TM4SF19: variants seen among roughly 807,000 people sequenced by gnomAD.
The protein encoded by TM4SF19 is transmembrane 4 L six family member 19.
In TM4SF19, 17 loss-of-function variants were observed where a neutral mutation model predicts 21.8. The ratio of observed to expected loss-of-function variants is 0.78; its 90% CI spans 0.53 to 1.17. The LOEUF (loss-of-function observed/expected upper bound fraction) is 1.17, where lower values mean the gene tolerates loss of function less well. Among genes scored for constraint, TM4SF19 ranks in the 50% most tolerant of loss-of-function variants. The pLI, the probability that TM4SF19 is intolerant of heterozygous loss-of-function variation, is 0.00. For missense variants in TM4SF19, 216 were observed against 252.1 expected (o/e 0.86, Z 0.97); for synonymous variants, 107 against 106.7 (o/e 1.00, Z -0.02).
At chr3:196,328,851 C>T (rs1727405041) in intron 1 of TM4SF19, among the ~76,000 whole-genome samples, 1 of 152,086 alleles carries the variant, frequency 6.6e-6, no homozygotes, top group South Asian at 2.1e-4. Flanking sequence ...TACAAAGCTA[C>T]AGTAATTGAA....
At chr3:196,334,530 T>G in intron 1 of TM4SF19, among the ~76,000 whole-genome samples, 1 of 152,020 alleles carries the variant, frequency 6.6e-6, no homozygotes, top group East Asian at 1.9e-4. Flanking sequence ...CTCAGCTCAC[T>G]GCAACCTCCG....
At chr3:196,334,468 T>G (rs567145528) in intron 1 of TM4SF19, among the ~76,000 whole-genome samples, 1 of 151,814 alleles carries the variant, frequency 6.6e-6, no homozygotes, top group Admixed American at 6.6e-5. Context: ...TTTTTTTTTT[T>G]CTTGAGACAG....
chr3:196,324,073 T>G, intron 4 of TM4SF19, 76 bp from the exon 5 acceptor site: 1 of 1,558,870 alleles, frequency 6.4e-7, no homozygotes, highest in Non-Finnish European at 8.8e-7. Flanking sequence ...AGTAGAAAAC[T>G]GGGGTCTCCC....
intron 4 of TM4SF19, 107 bp from the exon 5 acceptor site, chr3:196,324,104 G>C: frequency 6.9e-7 from 1 of 1,454,472 alleles, no homozygotes; most frequent in Non-Finnish European, 9.5e-7. Flanking sequence ...CATGGGACTG[G>C]GCTCATGAGG....
chr3:196,333,492 CT>C (rs1235894984), intron 1 of TM4SF19, among the ~76,000 whole-genome samples: 1 of 152,170 alleles, frequency 6.6e-6, no homozygotes, highest in Non-Finnish European at 1.5e-5. Context: ...GTTTTTTGAA[CT>C]GCAGTTGACC....
intron 1 of TM4SF19, among the ~76,000 whole-genome samples, chr3:196,331,883 T>C (rs892503325): frequency 7.9e-5 from 12 of 152,250 alleles, no homozygotes; most frequent in Non-Finnish European, 1.0e-4. Context: ...TTCAGACACC[T>C]AAAGTGCTAG....
intron 1 of TM4SF19, 97 bp from the exon 2 acceptor site, chr3:196,327,688 G>A (rs1434620675): frequency 9.6e-7 from 1 of 1,041,760 alleles, no homozygotes. Context: ...ACAGACTACA[G>A]AAACCGCCAC....
intron 1 of TM4SF19, among the ~76,000 whole-genome samples, chr3:196,334,178 C>G (rs1348790419): frequency 4.6e-5 from 7 of 152,142 alleles, no homozygotes; most frequent in Non-Finnish European, 1.0e-4. Flanking sequence ...ACGTCATTAC[C>G]CATCACATCA....
At chr3:196,332,621 A>G (rs949211181) in intron 1 of TM4SF19, among the ~76,000 whole-genome samples, 35 of 151,974 alleles carry the variant, frequency 2.3e-4, no homozygotes, top group Non-Finnish European at 2.9e-5. Context: ...GTACACACAC[A>G]CACACACACA....
chr3:196,328,721 T>C (rs563764808), intron 1 of TM4SF19, among the ~76,000 whole-genome samples: 37 of 152,296 alleles, frequency 2.4e-4, no homozygotes, highest in Admixed American at 1.7e-3. Flanking sequence ...AGTTTTGTTA[T>C]AGAAATTGAC....
intron 3 of TM4SF19, 150 bp downstream of exon 3, chr3:196,326,805 C>G (rs1481794596): frequency 5.4e-6 from 3 of 555,382 alleles, no homozygotes; most frequent in Non-Finnish European, 9.8e-6. Flanking sequence ...AAAGATGAAG[C>G]AACTTGCCCA....
chr3:196,327,301 A>T, intron 2 of TM4SF19, 89 bp downstream of exon 2: 1 of 1,295,756 alleles, frequency 7.7e-7, no homozygotes, highest in Non-Finnish European at 1.1e-6. Flanking sequence ...CTTTTCTGCA[A>T]GGAATCAAAA....
rs1727249760 is a variant in TM4SF19, at chr3:196,325,489, CGTG to C, written c.280-1052_280-1050del. The C allele has an allele frequency of 6.6e-6, 1 of 152,178 alleles. No individual in the cohort carries two copies. The highest frequency in any genetic ancestry group is 1.5e-5 in the Non-Finnish European group (1 of 68,090). The allele number at this position is 152,178 out of a possible 1,614,324, so 9.4% of individuals were successfully genotyped here. A position where few individuals can be genotyped will look rare whatever the true frequency, so the allele number is the denominator to read the frequency against. On this transcript the variant is annotated intron_variant, in intron 3 of 4. Coordinates refer to ENST00000273695, the MANE Select transcript of TM4SF19 (RefSeq NM_138461.4). This position sits in a 1 kb window ranked among gnomAD's most constrained non-coding sequence, Gnocchi z 4.3. ...TGCTGGGATTACAGGCATGAGCCAC[CGTG>C]CCCGGCCCATATTGGATTCTTTCTT...
At chr3:196,331,137 G>A (rs376427877) in intron 1 of TM4SF19, among the ~76,000 whole-genome samples, 7 of 152,048 alleles carry the variant, frequency 4.6e-5, no homozygotes, top group East Asian at 3.9e-4. Flanking sequence ...ATTGCTGGAC[G>A]TGGTGGCAGG....
In TM4SF19 at chr3:196,325,194, C is replaced by T. The variant is rs1727237332; in HGVS notation, c.280-754G>A. ...GTTCCTTCCTTCCTTCCCTTCCTTC[C>T]TTCTTTCTCTCTCTCTCTTTCTTTT... On this transcript the variant is annotated intron_variant, in intron 3 of 4. Coordinates refer to ENST00000273695, the MANE Select transcript of TM4SF19 (RefSeq NM_138461.4). This position sits in a 1 kb window ranked among gnomAD's most constrained non-coding sequence, Gnocchi z 4.3. 1 of 151,802 alleles carries T rather than the reference C, an allele frequency of 6.6e-6. No individual in the cohort carries two copies. The highest frequency in any genetic ancestry group is 2.1e-4 in the South Asian group (1 of 4,812). 9.4% of individuals were successfully genotyped at this position (151,802 alleles called of 1,614,324 possible). A position where few individuals can be genotyped will look rare whatever the true frequency, so the allele number is the denominator to read the frequency against.
intron 1 of TM4SF19, among the ~76,000 whole-genome samples, chr3:196,337,746 T>C (rs933530694): frequency 6.6e-6 from 1 of 152,128 alleles, no homozygotes; most frequent in Non-Finnish European, 1.5e-5. Context: ...TTGGCCCTTT[T>C]CCAAGTGTAC....
chr3:196,327,377 C>T lies in TM4SF19; in HGVS notation c.201+13G>A. ...CTTTGAGAGTTCACGTTCAGGGAAC[C>T]CCGGACACTTACCATGAGGCCTCCT... On this transcript the variant is annotated intron_variant, in intron 2 of 4. Transcript: ENST00000273695. 6.2e-7 allele frequency: 1 copy of T among 1,612,894 alleles called. No homozygotes were observed. Among genetic ancestry groups the T allele is most frequent in the South Asian group, 1.1e-5 (1 of 91,056 alleles).
chr3:196,332,440 G>A (rs1377414243), intron 1 of TM4SF19, among the ~76,000 whole-genome samples: 4 of 138,474 alleles, frequency 2.9e-5, no homozygotes, highest in African/African-American at 1.0e-4. Flanking sequence ...GGGAGGGAGG[G>A]AGGGAGGAAG....
intron 1 of TM4SF19, among the ~76,000 whole-genome samples, chr3:196,332,669 C>T (rs1488756473): frequency 6.6e-6 from 1 of 151,794 alleles, no homozygotes; most frequent in Non-Finnish European, 1.5e-5. Flanking sequence ...GTTCCAAGAG[C>T]TCCAGCGGAT....
Sources: allele counts gnomAD v4.1 joint callset (sites outside exome capture counted in the v4.1 genomes callset), GRCh38; gene constraint gnomAD v4.1.1; non-coding constraint Gnocchi (gnomAD v3.1); transcripts MANE v1.5; gene names NCBI Gene and HGNC (gene_info 2026-07-23, HGNC 2026-07-21).